The following FBN1 variants were observed in gnomAD, a reference collection of about 807,000 sequenced individuals.
FBN1 encodes fibrillin-1.
A neutral mutation model predicts 365.1 loss-of-function variants in FBN1; 29 were observed. That is an observed-to-expected ratio of 0.08 (90% CI 0.06 to 0.11). The LOEUF (loss-of-function observed/expected upper bound fraction) is 0.11. Ranked by LOEUF, FBN1 falls within the 10% of genes least tolerant of loss-of-function variation. The pLI, the probability that FBN1 is intolerant of heterozygous loss-of-function variation, is 1.00. For missense variants in FBN1, 2,476 were observed against 3,703.2 expected (o/e 0.67, Z 8.60); for synonymous variants, 1,210 against 1,270.5 (o/e 0.95, Z 1.01).
Position 48,495,487 on chromosome 15 carries a change from T to A in FBN1, c.2521A>T (p.Thr841Ser), listed in dbSNP as rs1381506466. The change falls in exon 21 of 66, where the codon ACA becomes TCA. Residue 841 changes from threonine (T) to serine (S), a missense_variant. Thr to Ser is a moderately conservative substitution (Grantham distance 58). Coordinates refer to ENST00000316623, the MANE Select transcript of FBN1 (RefSeq NM_000138.5). ...ECSSESTLDP[T>S]KTICIETIKG... ...TAAATACCTATGCAGATGGTTTTTG[T>A]TGGATCCAAAGTACTTTCAGAAGAA... 4.3e-6 allele frequency: 7 copies of A among 1,614,082 alleles called. No homozygotes were observed. The South Asian group carries it at 5.5e-5, about 13-fold the overall frequency.
chr15:48,643,539 A>G (rs535455403), intron 2 of FBN1: 5 of 152,220 alleles, frequency 3.3e-5, no homozygotes, highest in Admixed American at 3.3e-4. Flanking sequence ...ATAACACCTC[A>G]TAACAAAAAA....
At chr15:48,608,162 G>A (rs1015943293) in intron 4 of FBN1, among the ~76,000 whole-genome samples, 5 of 152,140 alleles carry the variant, frequency 3.3e-5, no homozygotes, top group Admixed American at 2.0e-4. Context: ...AGAGTCACAG[G>A]ACACTCAAGT....
At chr15:48,530,235 C>T (rs2043958218) in intron 8 of FBN1, among the ~76,000 whole-genome samples, 1 of 139,726 alleles carries the variant, frequency 7.2e-6, no homozygotes, top group Non-Finnish European at 1.6e-5. Flanking sequence ...GCATCCGCCG[C>T]CTGATCACAA....
intron 60 of FBN1, 105 bp from the exon 61 acceptor site, chr15:48,422,173 A>T: frequency 1.3e-6 from 1 of 777,178 alleles, no homozygotes; most frequent in Non-Finnish European, 2.3e-6. Context: ...GTCTCAAATG[A>T]CCCTGACTAG....
intron 64 of FBN1, among the ~76,000 whole-genome samples, chr15:48,413,427 T>G (rs2042879550): frequency 6.6e-6 from 1 of 152,270 alleles, no homozygotes; most frequent in Non-Finnish European, 1.5e-5. Flanking sequence ...CCGACTCATG[T>G]GAAGATGGAT....
intron 14 of FBN1, among the ~76,000 whole-genome samples, chr15:48,509,413 T>C (rs2043739851): frequency 6.7e-6 from 1 of 148,318 alleles, no homozygotes; most frequent in African/African-American, 2.4e-5. Context: ...TGATTTATTA[T>C]ATATACATAT....
At chr15:48,504,304 C>T (rs2043690451) in intron 16 of FBN1, among the ~76,000 whole-genome samples, 1 of 152,336 alleles carries the variant, frequency 6.6e-6, no homozygotes, top group South Asian at 2.1e-4. Context: ...TTGAATCTCA[C>T]ATCCTGCTAA....
At chr15:48,460,172 A>G in intron 43 of FBN1, 74 bp downstream of exon 43, 1 of 1,072,692 alleles carries the variant, frequency 9.3e-7, no homozygotes, top group Non-Finnish European at 1.5e-6. Flanking sequence ...TTAAGAAAAA[A>G]ATGGGAACTG....
At chr15:48,508,809 G>T (rs2043734538) in intron 14 of FBN1, 105 bp from the exon 15 acceptor site, 3 of 1,376,526 alleles carry the variant, frequency 2.2e-6, no homozygotes, top group African/African-American at 1.4e-5. Context: ...CTTTCTTTTT[G>T]TTATTACAGC....
Position 48,614,260 on chromosome 15 carries a change from A to G in FBN1, c.165-1168T>C, listed in dbSNP as rs16961239. Among the ~76,000 whole-genome samples the G allele has an allele frequency of 0.015, 2,286 of 151,828 alleles. 206 individuals carry two copies. In the East Asian group the frequency reaches 0.24, roughly 16 times the overall value. On this transcript the variant is annotated intron_variant, in intron 2 of 65. Transcript: ENST00000316623. ...AGGAAGGTCAAATGTTTTGCAATCA[A>G]TTTCACAAACTAGGAGCAATTCCAA...
rs565833359 is a variant in FBN1 at position 48,468,676 on chromosome 15, C to T, written c.4460-142G>A. On this transcript the variant is annotated intron_variant, in intron 36 of 65. Transcript: ENST00000316623. ...TAACTACATCTAGAAATGCAGTCTTCCACTTCAGAGATAAAACACCTCAGG... is the reference window on the plus strand; with the variant it reads ...TAACTACATCTAGAAATGCAGTCTTTCACTTCAGAGATAAAACACCTCAGG... The T allele has an allele frequency of 1.9e-4, 154 of 815,322 alleles. No individual in the cohort carries two copies. In the African/African-American group the frequency reaches 2.4e-3, roughly 13 times the overall value. 50.5% of individuals were successfully genotyped at this position (815,322 alleles called of 1,614,324 possible).
chr15:48,612,723 C>T (rs1344781026), intron 3 of FBN1, among the ~76,000 whole-genome samples: 1 of 151,930 alleles, frequency 6.6e-6, no homozygotes, highest in Non-Finnish European at 1.5e-5. Flanking sequence ...GCAATAATAC[C>T]CTTTCATTCA....
intron 43 of FBN1, among the ~76,000 whole-genome samples, chr15:48,458,613 A>G (rs975845688): frequency 1.3e-5 from 2 of 152,238 alleles, no homozygotes; most frequent in African/African-American, 4.8e-5. Flanking sequence ...ATTATTATCA[A>G]GTTTAACAAT....
chr15:48,443,935 G>A (rs2043135059), intron 49 of FBN1, among the ~76,000 whole-genome samples: 1 of 152,128 alleles, frequency 6.6e-6, no homozygotes, highest in Non-Finnish European at 1.5e-5. Context: ...CAGAGGCTGA[G>A]ACAGGATGAT....
chr15:48,624,784 T>C (rs571800652), intron 2 of FBN1, among the ~76,000 whole-genome samples: 84 of 152,296 alleles, frequency 5.5e-4, no homozygotes, highest in African/African-American at 1.9e-3. Flanking sequence ...AACGAAATCA[T>C]AGAAATGATT....
Position 48,408,496 on chromosome 15 carries a change from C to G in FBN1, c.*2494G>C, listed in dbSNP as rs918578727. On this transcript the variant is annotated 3_prime_UTR_variant, in exon 66 of 66. Coordinates refer to ENST00000316623, the MANE Select transcript of FBN1 (RefSeq NM_000138.5). ...CAAGGCCAGCTGAGTTCATTTCAAC[C>G]CTACTTACAAAATAATTATTGGCAA... The G allele has an allele frequency of 6.6e-6, 1 of 152,542 alleles. No homozygotes were observed. Among genetic ancestry groups the G allele is most frequent in the Admixed American group, 6.6e-5 (1 of 15,264 alleles). The allele number at this position is 152,542 out of a possible 1,614,324, so 9.4% of individuals were successfully genotyped here. A position where few individuals can be genotyped will look rare whatever the true frequency, so the allele number is the denominator to read the frequency against.
intron 42 of FBN1, among the ~76,000 whole-genome samples, chr15:48,460,771 T>C (rs1296200244): frequency 6.6e-6 from 1 of 152,200 alleles, no homozygotes; most frequent in Non-Finnish European, 1.5e-5. Flanking sequence ...GATCTATTAA[T>C]GACTAATTTG....
chr15:48,491,866 C>T (rs910147758), intron 24 of FBN1, among the ~76,000 whole-genome samples: 4 of 152,162 alleles, frequency 2.6e-5, no homozygotes, highest in African/African-American at 9.7e-5. Context: ...TCAAACTTGC[C>T]ACTATCACGA....
chr15:48,515,839 T>G (rs959274050), intron 11 of FBN1, among the ~76,000 whole-genome samples: 2 of 152,204 alleles, frequency 1.3e-5, no homozygotes, highest in East Asian at 3.9e-4. Context: ...CTTATAAAAC[T>G]GCCTTGCAAG....
Sources: gnomAD v4.1 joint callset for allele counts (sites outside exome capture counted in the v4.1 genomes callset) on GRCh38, gnomAD v4.1.1 for gene constraint, MANE v1.5 for transcripts, NCBI Gene and HGNC (gene_info 2026-07-23, HGNC 2026-07-21) for gene names.